Variants in ELL observed in about 807,000 individuals in gnomAD.
ELL encodes the protein RNA polymerase II elongation factor ELL.
In ELL, 18 loss-of-function variants were observed where a neutral mutation model predicts 64.0. The observed-to-expected ratio is 0.28, with a 90% CI of 0.19 to 0.42. The LOEUF is 0.42. Among genes scored for constraint, ELL ranks in the 10% least tolerant of loss-of-function variants. The probability of loss-of-function intolerance (pLI) is 1.00; values close to 1 mark genes in which losing one functional copy is unlikely to be tolerated. For missense variants in ELL, 797 were observed against 870.4 expected (o/e 0.92, Z 1.06); for synonymous variants, 399 against 376.2 (o/e 1.06, Z -0.70).
Position 18,443,623 on chromosome 19 carries a change from G to T in ELL, c.*1129C>A. On this transcript the variant is annotated 3_prime_UTR_variant, in exon 12 of 12. Transcript: ENST00000262809. ...ACCCACACTTGCGTGGCCCCCCGAT[G>T]CTTTGGGGGACACTAGACTAGGCAC... is the stretch of plus-strand genomic sequence containing the variant. The T allele has an allele frequency of 4.3e-6, 1 of 233,508 alleles. No individual in the cohort carries two copies. The highest frequency in any genetic ancestry group is 8.5e-6 in the Non-Finnish European group (1 of 118,072). The allele number at this position is 233,508 out of a possible 1,614,324, so 14.5% of individuals were successfully genotyped here.
At position 18,442,892 on chromosome 19, in the gene ELL, A is replaced by G. The variant is rs1268341551; in HGVS notation, c.*1860T>C. On this transcript the variant is annotated 3_prime_UTR_variant, in exon 12 of 12. Coordinates refer to ENST00000262809, the MANE Select transcript of ELL (RefSeq NM_006532.4). Reference sequence around the variant, plus strand: ...CATTAAAAGAAAAAAAAATAGTATCAATAAGTTAGACCATATTTAATCAGC... The same window carrying G: ...CATTAAAAGAAAAAAAAATAGTATCGATAAGTTAGACCATATTTAATCAGC... The G allele has an allele frequency of 4.4e-6, 1 of 228,700 alleles. No individual in the cohort carries two copies. Among genetic ancestry groups the G allele is most frequent in the African/African-American group, 2.2e-5 (1 of 45,036 alleles). The allele number at this position is 228,700 out of a possible 1,614,324, so 14.2% of individuals were successfully genotyped here. A position where few individuals can be genotyped will look rare whatever the true frequency, so the allele number is the denominator to read the frequency against.
intron 8 of ELL, among the ~76,000 whole-genome samples, 170 bp downstream of exon 8, chr19:18,450,307 C>T (rs1263274226): frequency 2.0e-5 from 3 of 151,848 alleles, no homozygotes; most frequent in Admixed American, 1.3e-4. Flanking sequence ...GGTGCAGGAA[C>T]ATAGGGTGCC....
At chr19:18,518,464 T>C (rs567909978) in intron 1 of ELL, among the ~76,000 whole-genome samples, 1 of 142,494 alleles carries the variant, frequency 7.0e-6, no homozygotes, top group South Asian at 2.2e-4. Context: ...CACTCCAGCC[T>C]GGACAATGGA....
At chr19:18,491,425 CTT>C (rs1975532005) in intron 1 of ELL, among the ~76,000 whole-genome samples, 1 of 151,848 alleles carries the variant, frequency 6.6e-6, no homozygotes, top group African/African-American at 2.4e-5. Flanking sequence ...AATCAGTAGA[CTT>C]TGAGTAAAGC....
chr19:18,495,529 G>A (rs1975630759), intron 1 of ELL, among the ~76,000 whole-genome samples: 1 of 152,178 alleles, frequency 6.6e-6, no homozygotes, highest in Admixed American at 6.5e-5. Context: ...GGACCCTAAA[G>A]GCTTCTTGGA....
At chr19:18,472,676 C>A (rs1975088843) in intron 2 of ELL, 159 bp downstream of exon 2, 5 of 864,496 alleles carry the variant, frequency 5.8e-6, no homozygotes, top group Non-Finnish European at 8.9e-6. Flanking sequence ...GTGGCCCCAG[C>A]CAAGGGGCTA....
At chr19:18,463,100 G>A (rs538414288) in intron 4 of ELL, among the ~76,000 whole-genome samples, 4 of 152,156 alleles carry the variant, frequency 2.6e-5, no homozygotes, top group African/African-American at 7.2e-5. Context: ...AAAGCTCTTC[G>A]TAACAACATC....
chr19:18,509,582 TGC>T lies in ELL; in HGVS notation c.135+12337_135+12338del, dbSNP rs138250487. On this transcript the variant is annotated intron_variant, in intron 1 of 11. Transcript: ENST00000262809. ...AGATGGAGACACAGGCCAATGCACG[TGC>T]GCGCGCGCGCACATACACACACACA... is the stretch of plus-strand genomic sequence containing the variant. Among the ~76,000 whole-genome samples, 15 of 95,538 alleles carry T rather than the reference TGC, an allele frequency of 1.6e-4. 1 individual carries two copies. Among genetic ancestry groups the T allele is most frequent in the Non-Finnish European group, 2.3e-4 (11 of 47,702 alleles). 62.7% of individuals were successfully genotyped at this position (95,538 alleles called of 152,430 possible). A position where few individuals can be genotyped will look rare whatever the true frequency, so the allele number is the denominator to read the frequency against.
Position 18,444,720 on chromosome 19 carries a change from C to T in ELL, c.*32G>A, listed in dbSNP as rs773268607. ...CTCTCACCGCCTTTTGCTCCCCCGA[C>T]CCTCCCAGATCCCCGCCATCGGGGA... On this transcript the variant is annotated 3_prime_UTR_variant, in exon 12 of 12. Coordinates refer to ENST00000262809, the MANE Select transcript of ELL (RefSeq NM_006532.4). 2 of 1,565,968 alleles carry T rather than the reference C, an allele frequency of 1.3e-6. No homozygotes were observed. Among genetic ancestry groups the T allele is most frequent in the African/African-American group, 1.4e-5 (1 of 73,744 alleles).
chr19:18,487,259 TA>T (rs947125511), intron 1 of ELL, among the ~76,000 whole-genome samples: 27 of 151,940 alleles, frequency 1.8e-4, no homozygotes, highest in Admixed American at 1.0e-3. Context: ...CCCCAGAGAG[TA>T]GGGTCACCCC....
intron 4 of ELL, among the ~76,000 whole-genome samples, chr19:18,463,325 C>CTTTTTTTTTTT (rs34610795): frequency 1.4e-5 from 1 of 73,250 alleles, no homozygotes; most frequent in African/African-American, 8.5e-5. Flanking sequence ...ACATTCACAT[C>CTTTTTTTTTTT]TTTTTTTTTT....
intron 6 of ELL, 100 bp downstream of exon 6, chr19:18,458,105 G>A: frequency 6.4e-7 from 1 of 1,551,342 alleles, no homozygotes; most frequent in Non-Finnish European, 8.7e-7. Context: ...CAAGCCCTGT[G>A]GCCTTCAGGA....
chr19:18,451,499 AC>A, intron 7 of ELL, 52 bp downstream of exon 7: 1 of 1,381,098 alleles, frequency 7.2e-7, no homozygotes, highest in South Asian at 1.4e-5. Context: ...CTGATGCAGC[AC>A]AGAGTGCCCT....
intron 10 of ELL, 56 bp from the exon 11 acceptor site, chr19:18,445,324 C>T: frequency 6.3e-7 from 1 of 1,579,122 alleles, no homozygotes; most frequent in South Asian, 1.1e-5. Flanking sequence ...TACAGGAAAC[C>T]CAAATTGAGT....
At chr19:18,485,016 G>C (rs1259783634) in intron 1 of ELL, among the ~76,000 whole-genome samples, 2 of 152,208 alleles carry the variant, frequency 1.3e-5, no homozygotes, top group Admixed American at 1.3e-4. Flanking sequence ...TCCTAGCCCT[G>C]GGTTCCTGAC....
intron 1 of ELL, among the ~76,000 whole-genome samples, chr19:18,489,453 T>A (rs1266069518): frequency 2.0e-5 from 3 of 152,148 alleles, no homozygotes; most frequent in Non-Finnish European, 4.4e-5. Context: ...CACTCACTCC[T>A]GCTGGGACGT....
chr19:18,465,979 C>T, intron 2 of ELL, 61 bp from the exon 3 acceptor site: 1 of 1,247,472 alleles, frequency 8.0e-7, no homozygotes. Context: ...CCCCAGCCTG[C>T]ATCTTCCTGC....
chr19:18,455,753 C>T (rs1215288009), intron 6 of ELL, among the ~76,000 whole-genome samples: 2 of 151,710 alleles, frequency 1.3e-5, no homozygotes, highest in Admixed American at 1.3e-4. Flanking sequence ...AATTAAGAGA[C>T]AGGATGAGAA....
At chr19:18,445,432 G>T in intron 10 of ELL, 164 bp from the exon 11 acceptor site, 1 of 722,052 alleles carries the variant, frequency 1.4e-6, no homozygotes, top group South Asian at 1.6e-5. Context: ...TGTAGCTCCG[G>T]AGTGGGTGGG....
Sources: gnomAD v4.1 joint callset for allele counts (sites outside exome capture counted in the v4.1 genomes callset) on GRCh38, gnomAD v4.1.1 for gene constraint, MANE v1.5 for transcripts, NCBI Gene and HGNC (gene_info 2026-07-23, HGNC 2026-07-21) for gene names.